CCDC50: variants seen among roughly 807,000 people sequenced by gnomAD.
The protein encoded by CCDC50 is coiled-coil domain-containing protein 50.
Under a neutral mutation model 70.2 loss-of-function variants are expected in CCDC50, and 54 were observed. That is an observed-to-expected ratio of 0.77 (90% CI 0.62 to 0.96). CCDC50 has a LOEUF of 0.96. Among genes scored for constraint, CCDC50 ranks in the 50% least tolerant of loss-of-function variants. The probability of loss-of-function intolerance (pLI) is 0.00; values close to 1 mark genes in which losing one functional copy is unlikely to be tolerated. For missense variants in CCDC50, 558 were observed against 578.7 expected (o/e 0.96, Z 0.37); for synonymous variants, 216 against 198.8 (o/e 1.09, Z -0.73).
Position 191,364,138 on chromosome 3 carries a change from C to G in CCDC50, c.330+2979C>G, listed in dbSNP as rs144215704. ...GGCTGGAGTATAGTGGCGCAATCTT[C>G]GCTCACTGCAACCACTGCCTCCTGG... On this transcript the variant is annotated intron_variant, in intron 4 of 11. Transcript: ENST00000392455. 9.6e-3 allele frequency among the ~76,000 whole-genome samples: 1,451 copies of G among 151,042 alleles called. 20 individuals are homozygous for G. Among genetic ancestry groups the G allele is most frequent in the Non-Finnish European group, 0.014 (926 of 67,800 alleles).
intron 1 of CCDC50, among the ~76,000 whole-genome samples, chr3:191,341,137 G>C (rs952613812): frequency 5.3e-5 from 8 of 152,116 alleles, no homozygotes; most frequent in Admixed American, 4.6e-4. Context: ...GTAAATTGCA[G>C]CACAGATTCT....
At chr3:191,368,153 C>T (rs1712764690) in intron 4 of CCDC50, among the ~76,000 whole-genome samples, 1 of 152,052 alleles carries the variant, frequency 6.6e-6, no homozygotes, top group African/African-American at 2.4e-5. Flanking sequence ...CTCCCAATGT[C>T]TCTTTAAACC....
At chr3:191,360,066 G>C (rs1346336588) in intron 3 of CCDC50, among the ~76,000 whole-genome samples, 1 of 152,136 alleles carries the variant, frequency 6.6e-6, no homozygotes, top group Non-Finnish European at 1.5e-5. Flanking sequence ...TCACTCCCTG[G>C]CAATTTTAAT....
chr3:191,361,301 T>C, intron 4 of CCDC50, 142 bp downstream of exon 4: 1 of 687,530 alleles, frequency 1.5e-6, no homozygotes, highest in Non-Finnish European at 2.7e-6. Flanking sequence ...CATTTTCCTC[T>C]GTGGACCATG....
chr3:191,338,652 C>T (rs908124800), intron 1 of CCDC50, among the ~76,000 whole-genome samples: 1 of 152,196 alleles, frequency 6.6e-6, no homozygotes, highest in South Asian at 2.1e-4. Context: ...TTGGTGGATC[C>T]ACAAATCATT....
At chr3:191,374,289 T>C (rs1363451151) in intron 5 of CCDC50, among the ~76,000 whole-genome samples, 1 of 152,192 alleles carries the variant, frequency 6.6e-6, no homozygotes, top group Admixed American at 6.6e-5. Flanking sequence ...CTACAAAGAA[T>C]ACAATATCAT....
At chr3:191,347,104 GT>G (rs1560157954) in intron 1 of CCDC50, among the ~76,000 whole-genome samples, 1 of 142,022 alleles carries the variant, frequency 7.0e-6, no homozygotes, top group Non-Finnish European at 1.6e-5. Context: ...CTATTCTGGT[GT>G]TTGTAAAACT....
At chr3:191,389,262 T>C (rs1713601177) in intron 10 of CCDC50, among the ~76,000 whole-genome samples, 1 of 152,218 alleles carries the variant, frequency 6.6e-6, no homozygotes, top group African/African-American at 2.4e-5. Context: ...CTAACATGTA[T>C]TAGTTGTTGA....
At chr3:191,372,137 G>A (rs1249826311) in intron 5 of CCDC50, among the ~76,000 whole-genome samples, 1 of 152,082 alleles carries the variant, frequency 6.6e-6, no homozygotes, top group Admixed American at 6.6e-5. Flanking sequence ...TTTCTCTAGG[G>A]CAGGAGACTA....
At chr3:191,330,821 A>C (rs3796222) in intron 1 of CCDC50, among the ~76,000 whole-genome samples, 12,550 of 152,236 alleles carry the variant, frequency 0.082, 582 homozygotes, top group East Asian at 0.21. Context: ...TTGCTTTCTC[A>C]GAGTTTCAAG....
intron 10 of CCDC50, among the ~76,000 whole-genome samples, chr3:191,384,352 A>G (rs138953822): frequency 6.6e-6 from 1 of 152,198 alleles, no homozygotes; most frequent in Non-Finnish European, 1.5e-5. Flanking sequence ...TAAAGCTTAT[A>G]TATCTTGCAT....
intron 4 of CCDC50, among the ~76,000 whole-genome samples, chr3:191,364,124 A>G (rs929235655): frequency 6.6e-6 from 1 of 150,642 alleles, no homozygotes; most frequent in African/African-American, 2.5e-5. Flanking sequence ...GCTGGAGTAT[A>G]GTGGCGCAAT....
At chr3:191,361,838 C>T (rs1208296333) in intron 4 of CCDC50, among the ~76,000 whole-genome samples, 1 of 152,130 alleles carries the variant, frequency 6.6e-6, no homozygotes, top group African/African-American at 2.4e-5. Context: ...GTTGTTCTTG[C>T]AGCATTAGAG....
chr3:191,386,412 A>G (rs879491616), intron 10 of CCDC50, among the ~76,000 whole-genome samples: 4 of 152,106 alleles, frequency 2.6e-5, no homozygotes, highest in Admixed American at 2.0e-4. Context: ...CTTAGTAGAC[A>G]TGGGGTTTCA....
chr3:191,354,041 G>T (rs1450476214), intron 1 of CCDC50, among the ~76,000 whole-genome samples: 1 of 152,146 alleles, frequency 6.6e-6, no homozygotes, highest in Non-Finnish European at 1.5e-5. Flanking sequence ...TCTCACACCT[G>T]TTATAATGTG....
In CCDC50 at chr3:191,396,733, T is replaced by C. The variant is rs928660608; in HGVS notation, c.*4973T>C. Reference sequence around the variant, plus strand: ...TGCTAATGTGAAGAGTGTTTCTGTTTTATTACTTATAAGAGAAAAGCAGGA... The same window carrying C: ...TGCTAATGTGAAGAGTGTTTCTGTTCTATTACTTATAAGAGAAAAGCAGGA... On this transcript the variant is annotated 3_prime_UTR_variant, in exon 12 of 12. Transcript: ENST00000392455. The C allele has an allele frequency of 6.6e-6, 1 of 152,224 alleles. No homozygotes were observed. The highest frequency in any genetic ancestry group is 1.5e-5 in the Non-Finnish European group (1 of 68,032). 9.4% of individuals were successfully genotyped at this position (152,224 alleles called of 1,614,324 possible).
At chr3:191,372,919 C>T (rs928048221) in intron 5 of CCDC50, among the ~76,000 whole-genome samples, 5 of 151,860 alleles carry the variant, frequency 3.3e-5, no homozygotes, top group Non-Finnish European at 4.4e-5. Context: ...AAAGTAAATC[C>T]TTCATTTGGA....
chr3:191,335,579 A>G (rs1376051159), intron 1 of CCDC50, among the ~76,000 whole-genome samples: 1 of 152,148 alleles, frequency 6.6e-6, no homozygotes, highest in Admixed American at 6.5e-5. Flanking sequence ...TTAAGCAGAA[A>G]ACAATCATTA....
chr3:191,345,547 C>T (rs1711885011), intron 1 of CCDC50, among the ~76,000 whole-genome samples: 1 of 152,098 alleles, frequency 6.6e-6, no homozygotes, highest in Non-Finnish European at 1.5e-5. Context: ...ACTCTGTGGT[C>T]GCTGATAATG....
Sources: allele counts gnomAD v4.1 joint callset (sites outside exome capture counted in the v4.1 genomes callset), GRCh38; gene constraint gnomAD v4.1.1; transcripts MANE v1.5; gene names NCBI Gene and HGNC (gene_info 2026-07-23, HGNC 2026-07-21).